ALPK2: variants seen among roughly 807,000 people sequenced by gnomAD.
ALPK2 encodes alpha kinase 2.
Under a neutral mutation model 163.1 loss-of-function variants are expected in ALPK2, and 127 were observed. The observed-to-expected ratio is 0.78, with a 90% CI of 0.67 to 0.90. The LOEUF (loss-of-function observed/expected upper bound fraction) is 0.90, where lower values mean the gene tolerates loss of function less well. ALPK2 is among the 40% of genes least tolerant of loss of function. The probability of loss-of-function intolerance (pLI) is 0.00; values close to 1 mark genes in which losing one functional copy is unlikely to be tolerated. For synonymous variants in ALPK2, 953 were observed against 959.1 expected, an observed-to-expected ratio of 0.99 and a Z score of 0.12; for missense variants, 2,360 against 2,589.6, an observed-to-expected ratio of 0.91 and a Z score of 1.92.
chr18:58,621,607 G>A (rs570760906), intron 1 of ALPK2, among the ~76,000 whole-genome samples: 2 of 152,172 alleles, frequency 1.3e-5, no homozygotes, highest in African/African-American at 4.8e-5. Flanking sequence ...AGAAGGAGGA[G>A]GAGGAGGAGA....
intron 1 of ALPK2, among the ~76,000 whole-genome samples, chr18:58,622,735 T>C (rs2052208501): frequency 6.6e-6 from 1 of 152,174 alleles, no homozygotes; most frequent in African/African-American, 2.4e-5. Flanking sequence ...TCACAAACAT[T>C]TCACAGTAAA....
intron 3 of ALPK2, among the ~76,000 whole-genome samples, chr18:58,598,340 AGCATGT>A (rs2052051421): frequency 6.6e-6 from 1 of 152,192 alleles, no homozygotes; most frequent in Non-Finnish European, 1.5e-5. Context: ...AGTGAATGGG[AGCATGT>A]GCTTGGGAGA....
At chr18:58,491,806 T>C (rs1014330440) in intron 12 of ALPK2, among the ~76,000 whole-genome samples, 3 of 152,168 alleles carry the variant, frequency 2.0e-5, no homozygotes, top group Admixed American at 2.0e-4. Context: ...GGAGAACTTG[T>C]GGGGCGGTTA....
intron 3 of ALPK2, among the ~76,000 whole-genome samples, chr18:58,582,565 GAA>G (rs35678950): frequency 1.6e-4 from 21 of 134,878 alleles, no homozygotes; most frequent in African/African-American, 4.2e-4. Context: ...GATTGTTGGC[GAA>G]AAAAAAAAAA....
intron 4 of ALPK2, among the ~76,000 whole-genome samples, chr18:58,544,829 C>G (rs78388889): frequency 1.3e-5 from 2 of 152,182 alleles, no homozygotes; most frequent in Non-Finnish European, 2.9e-5. Context: ...AACAGTACCG[C>G]CAATCCCCTT....
chr18:58,485,170 A>G (rs962793145), intron 12 of ALPK2, among the ~76,000 whole-genome samples: 8 of 152,142 alleles, frequency 5.3e-5, no homozygotes, highest in African/African-American at 1.9e-4. Flanking sequence ...GCCCGGTGGG[A>G]GAGAGTGCTG....
At position 58,487,189 on chromosome 18, in the gene ALPK2, G is replaced by C. The variant is rs190732947; in HGVS notation, c.6297-5150C>G. ...ATTACAGATGGAATTTCTTAAATAAGGTCACACTGGAGCAGGGGAGGCCCT... is the reference window on the plus strand; with the variant it reads ...ATTACAGATGGAATTTCTTAAATAACGTCACACTGGAGCAGGGGAGGCCCT... On this transcript the variant is annotated intron_variant, in intron 12 of 12. Coordinates refer to ENST00000361673, the MANE Select transcript of ALPK2 (RefSeq NM_052947.4). Among the ~76,000 whole-genome samples the C allele has an allele frequency of 1.8e-3, 224 of 126,100 alleles. 1 individual carries two copies. Among genetic ancestry groups the C allele is most frequent in the Non-Finnish European group, 3.6e-4 (21 of 58,196 alleles). The allele number at this position is 126,100 out of a possible 152,430, so 82.7% of individuals were successfully genotyped here.
chr18:58,498,941 T>C (rs913731834), intron 11 of ALPK2, among the ~76,000 whole-genome samples: 2 of 152,224 alleles, frequency 1.3e-5, no homozygotes, highest in African/African-American at 4.8e-5. Context: ...TCAAGGGGCA[T>C]GTGTTTAGTT....
intron 8 of ALPK2, among the ~76,000 whole-genome samples, chr18:58,517,939 G>GTT (rs202096652): frequency 2.7e-5 from 4 of 150,866 alleles, no homozygotes; most frequent in African/African-American, 9.7e-5. Context: ...TCTAACAGCT[G>GTT]TTTTTTTTTG....
At chr18:58,605,741 T>A (rs968015726) in intron 3 of ALPK2, among the ~76,000 whole-genome samples, 1 of 152,118 alleles carries the variant, frequency 6.6e-6, no homozygotes, top group Admixed American at 6.5e-5. Context: ...AATGAAGAAG[T>A]AGGAAAGTCC....
In ALPK2 at chr18:58,580,366, G is replaced by T; in HGVS notation, c.410C>A (p.Ala137Glu). ...ATGTTCCTTCTCATCAATCTGATTT[G>T]CCCTTTCTTCTTCATGTGTCCCTGT... ...HETGTHEEER[A>E]NQIDEKEHPY... The change falls in exon 4 of 13, where the codon GCA becomes GAA. Residue 137 changes from alanine to glutamate, a missense_variant. Coordinates refer to ENST00000361673, the MANE Select transcript of ALPK2 (RefSeq NM_052947.4). The T allele has an allele frequency of 6.2e-7, 1 of 1,614,080 alleles. No individual in the cohort carries two copies.
At position 58,611,820 on chromosome 18, in the gene ALPK2, G is replaced by GAA. The variant is rs61636682; in HGVS notation, c.-20-5_-20-4dup. The GAA allele has an allele frequency of 4.1e-4, 437 of 1,066,192 alleles. No homozygotes were observed. Among genetic ancestry groups the GAA allele is most frequent in the South Asian group, 7.0e-4 (42 of 59,604 alleles). 66.0% of individuals were successfully genotyped at this position (1,066,192 alleles called of 1,614,324 possible). A position where few individuals can be genotyped will look rare whatever the true frequency, so the allele number is the denominator to read the frequency against. On this transcript the variant is annotated splice_region_variant and splice_polypyrimidine_tract_variant and intron_variant, in intron 1 of 12. Coordinates refer to ENST00000361673, the MANE Select transcript of ALPK2 (RefSeq NM_052947.4). Reference sequence around the variant, plus strand: ...CATCCTTTCATGCCGCACCAAATCTGAAAAAAAAAAAAATCCCCGACATCA... The same window carrying GAA: ...CATCCTTTCATGCCGCACCAAATCTGAAAAAAAAAAAAAAATCCCCGACATCA...
intron 1 of ALPK2, among the ~76,000 whole-genome samples, chr18:58,627,176 A>G (rs1190319417): frequency 6.6e-6 from 1 of 152,168 alleles, no homozygotes; most frequent in Non-Finnish European, 1.5e-5. Context: ...ATCGCATCAC[A>G]GGGGCTGATA....
Position 58,539,980 on chromosome 18 carries a change from G to C in ALPK2, c.1963-1756C>G, listed in dbSNP as rs560208821. Among the ~76,000 whole-genome samples, 3 of 152,272 alleles carry C rather than the reference G, an allele frequency of 2.0e-5. No individual in the cohort carries two copies. In the East Asian group the frequency reaches 5.8e-4, roughly 29 times the overall value. On this transcript the variant is annotated intron_variant, in intron 4 of 12. Coordinates refer to ENST00000361673, the MANE Select transcript of ALPK2 (RefSeq NM_052947.4). ...ATAAAAATGCTAACTAAACAAGAAA[G>C]AAATTTAATATAAACTCCATGAGGG...
chr18:58,580,580 C>T, intron 3 of ALPK2, 32 bp from the exon 4 acceptor site: 1 of 1,567,172 alleles, frequency 6.4e-7, no homozygotes, highest in Non-Finnish European at 8.7e-7. Flanking sequence ...GATAAGTTTG[C>T]CACATTTGGA....
At chr18:58,554,870 G>A (rs761489472) in intron 4 of ALPK2, among the ~76,000 whole-genome samples, 2 of 152,154 alleles carry the variant, frequency 1.3e-5, no homozygotes, top group African/African-American at 2.4e-5. Flanking sequence ...TCATGGGGGC[G>A]GGTTTTCCTG....
At chr18:58,605,615 G>A (rs994791377) in intron 3 of ALPK2, among the ~76,000 whole-genome samples, 4 of 152,222 alleles carry the variant, frequency 2.6e-5, no homozygotes, top group African/African-American at 4.8e-5. Context: ...AAGGAGAAGA[G>A]AATGTTTGAG....
intron 2 of ALPK2, 139 bp downstream of exon 2, chr18:58,611,550 G>T: frequency 1.4e-6 from 1 of 736,752 alleles, no homozygotes; most frequent in Non-Finnish European, 2.3e-6. Context: ...AGAGGATGGA[G>T]TTGCTTCATT....
At position 58,537,213 on chromosome 18, in the gene ALPK2, A is replaced by G; in HGVS notation, c.2974T>C (p.Leu992=). ...TGAAAGCACTCATTATTAGCAGTTA[A>G]TGTTGTTGGCTTCTCCCAAGGAAAA... ...VSFPWEKPTT[L]TANNECFQAT... Residue 992 remains leucine (L), a synonymous_variant, in exon 5 of 13, where the codon TTA becomes CTA. Coordinates refer to ENST00000361673, the MANE Select transcript of ALPK2 (RefSeq NM_052947.4). 1 of 1,614,140 alleles carries G rather than the reference A, an allele frequency of 6.2e-7. No individual in the cohort carries two copies. Among genetic ancestry groups the G allele is most frequent in the Non-Finnish European group, 8.5e-7 (1 of 1,179,996 alleles).
Sources: allele counts gnomAD v4.1 joint callset (sites outside exome capture counted in the v4.1 genomes callset), GRCh38; gene constraint gnomAD v4.1.1; transcripts MANE v1.5; gene names NCBI Gene and HGNC (gene_info 2026-07-23, HGNC 2026-07-21).